The following FCRL5 variants were observed in gnomAD, a reference collection of about 807,000 sequenced individuals.
FCRL5 encodes the protein Fc receptor-like protein 5.
A neutral mutation model predicts 92.1 loss-of-function variants in FCRL5; 79 were observed. That is an observed-to-expected ratio of 0.86 (90% confidence interval 0.72 to 1.03). The LOEUF is 1.03. Ranked by LOEUF, FCRL5 falls within the 50% of genes least tolerant of loss-of-function variation. FCRL5 has a pLI of 0.00. For synonymous variants in FCRL5, 466 were observed against 469.3 expected (o/e 0.99, Z 0.09); for missense variants, 1,160 against 1,181.1 (o/e 0.98, Z 0.26).
rs778591421 is a variant in FCRL5, at chr1:157,527,802, C to G, written c.1775G>C (p.Gly592Ala). 2 of 1,613,636 alleles carry G rather than the reference C, an allele frequency of 1.2e-6. No homozygotes were observed. The highest frequency in any genetic ancestry group is 3.3e-5 in the Admixed American group (2 of 60,004). ...LLELHCEAPR[G>A]SPPILYWFYH... ...AAACCAGTACAGGATTGGGGGAGAG[C>G]CTCTCGGGGCCTCACAGTGAAGCTC... is the stretch of plus-strand genomic sequence containing the variant. Residue 592 changes from glycine (G) to alanine (A), a missense_variant, in exon 9 of 17, where the codon GGC becomes GCC. Transcript: ENST00000361835.
chr1:157,520,532 C>A lies in FCRL5; in HGVS notation c.2531G>T (p.Arg844Ile). 1 of 1,583,376 alleles carries A rather than the reference C, an allele frequency of 6.3e-7. No individual in the cohort carries two copies. The highest frequency in any genetic ancestry group is 8.6e-7 in the Non-Finnish European group (1 of 1,164,892). The change falls in exon 12 of 17, where the codon AGA becomes ATA. Residue 844 changes from arginine (R) to isoleucine (I), a missense_variant. Coordinates refer to ENST00000361835, the MANE Select transcript of FCRL5 (RefSeq NM_031281.3). ...GACTCCTGTGGCAAAAGGGCCACTT[C>A]TGTTCGCGGTCAGCCCTGAGGGGGA... ...TLYITGLTAN[R>I]SGPFATGVAG...
At chr1:157,534,934 T>C (rs1184252551) in intron 7 of FCRL5, 42 bp from the exon 8 acceptor site, 1 of 1,508,020 alleles carries the variant, frequency 6.6e-7, no homozygotes, top group Non-Finnish European at 8.9e-7. Context: ...CTTTTGCCTC[T>C]TACTGTAGAT....
chr1:157,548,144 T>C (rs1415434137), intron 2 of FCRL5, among the ~76,000 whole-genome samples: 2 of 152,218 alleles, frequency 1.3e-5, no homozygotes, highest in African/African-American at 2.4e-5. Context: ...GCAATAATAG[T>C]AAATGCAGGG....
In FCRL5 at chr1:157,526,415, T is replaced by G. The variant is rs371918292; in HGVS notation, c.1960+1202A>C. Among the ~76,000 whole-genome samples, 5 of 152,156 alleles carry G rather than the reference T, an allele frequency of 3.3e-5. No individual in the cohort carries two copies. The East Asian group carries it at 9.6e-4, about 29-fold the overall frequency. ...CTGACTGTTTTTGGAAGTTTAGCCA[T>G]GAAGGGGTAGTGTATGGAGGTATAA... On this transcript the variant is annotated intron_variant, in intron 9 of 16. Transcript: ENST00000361835.
chr1:157,550,213 G>C (rs543532425), intron 1 of FCRL5, among the ~76,000 whole-genome samples: 1 of 152,076 alleles, frequency 6.6e-6, no homozygotes, highest in Non-Finnish European at 1.5e-5. Flanking sequence ...CTGAGTAAGT[G>C]GTTCTAATTT....
intron 5 of FCRL5, 127 bp from the exon 6 acceptor site, chr1:157,543,264 C>T: frequency 2.4e-6 from 2 of 842,806 alleles, no homozygotes; most frequent in Non-Finnish European, 3.6e-6. Context: ...ACCACACACC[C>T]TTACCTGCAC....
rs537263560 is a variant in FCRL5 at position 157,548,985 on chromosome 1, C to T, written c.52+575G>A. ...ATGCTGCTATAAAGGCACATGCACA[C>T]GTATGTTTACTGCGGCACTATTCAC... On this transcript the variant is annotated intron_variant, in intron 2 of 16. Transcript: ENST00000361835. Among the ~76,000 whole-genome samples the T allele has an allele frequency of 4.6e-5, 7 of 152,156 alleles. No homozygotes were observed. In the East Asian group the frequency reaches 7.7e-4, roughly 17 times the overall value.
intron 7 of FCRL5, among the ~76,000 whole-genome samples, chr1:157,535,125 T>C (rs1360218080): frequency 6.6e-6 from 1 of 152,186 alleles, no homozygotes; most frequent in Non-Finnish European, 1.5e-5. Flanking sequence ...GCTCCTCTTG[T>C]AGTGTGACCT....
In FCRL5 at chr1:157,514,310, G is replaced by A. The variant is rs1473516513; in HGVS notation, c.*1365C>T. On this transcript the variant is annotated 3_prime_UTR_variant, in exon 17 of 17. Coordinates refer to ENST00000361835, the MANE Select transcript of FCRL5 (RefSeq NM_031281.3). The stretch of plus-strand genomic sequence containing the variant: ...TGGGAGAACAACTCTGAATGGAGAG[G>A]GCTCAGGTTATATACATTCACCCTT... The A allele has an allele frequency of 6.6e-6, 1 of 152,218 alleles. No individual in the cohort carries two copies. The highest frequency in any genetic ancestry group is 1.5e-5 in the Non-Finnish European group (1 of 68,036). The allele number at this position is 152,218 out of a possible 1,614,324, so 9.4% of individuals were successfully genotyped here. A position where few individuals can be genotyped will look rare whatever the true frequency, so the allele number is the denominator to read the frequency against.
chr1:157,542,729 T>C (rs780933906), intron 6 of FCRL5, 130 bp downstream of exon 6: 4 of 1,103,404 alleles, frequency 3.6e-6, no homozygotes, highest in Non-Finnish European at 5.2e-6. Flanking sequence ...AGCCGGAGAG[T>C]GGAGGAGGAC....
rs571376086 is a variant in FCRL5, at chr1:157,519,748, G to C, written c.2655C>G (p.Pro885=). The change falls in exon 13 of 17, where the codon CCC becomes CCG. Residue 885 remains proline (P), a synonymous_variant. Coordinates refer to ENST00000361835, the MANE Select transcript of FCRL5 (RefSeq NM_031281.3). ...RKAGRKPASD[P]ARSPSDSDSQ... ...GAATGCAGCTCAGCTCTTACCTGGC[G>C]GGGTCAGAGGCAGGCTTTCTCCCTG... is the stretch of plus-strand genomic sequence containing the variant. The C allele has an allele frequency of 1.2e-6, 2 of 1,613,832 alleles. No homozygotes were observed. Among genetic ancestry groups the C allele is most frequent in the Non-Finnish European group, 8.5e-7 (1 of 1,179,932 alleles).
At chr1:157,542,742 T>C in intron 6 of FCRL5, 117 bp downstream of exon 6, 3 of 1,258,736 alleles carry the variant, frequency 2.4e-6, no homozygotes, top group Non-Finnish European at 3.3e-6. Context: ...AGGAGGACAT[T>C]AGGTTTTCCC....
rs550488980 is a variant in FCRL5 at position 157,534,830 on chromosome 1, T to A, written c.1465A>T (p.Thr489Ser). 11 of 1,594,834 alleles carry A rather than the reference T, an allele frequency of 6.9e-6. No homozygotes were observed. In the Admixed American group the frequency reaches 1.4e-4, roughly 20 times the overall value. ...TGGACTTCACAGTGAAGTGTCACAGTGGCTCCTTCAAAAGTCAGGGCCTCA... is the reference window on the plus strand; with the variant it reads ...TGGACTTCACAGTGAAGTGTCACAGAGGCTCCTTCAAAAGTCAGGGCCTCA... ...SAEALTFEGATVTLHCEVQRG... is the reference protein window; with the variant it reads ...SAEALTFEGASVTLHCEVQRG... The change falls in exon 8 of 17, where the codon ACT becomes TCT. Residue 489 changes from threonine (T) to serine (S), a missense_variant. Transcript: ENST00000361835.
At position 157,514,424 on chromosome 1, in the gene FCRL5, T is replaced by A. The variant is rs1056315277; in HGVS notation, c.*1251A>T. ...CCAGGGTGGCTGATGAAAGCCAACA[T>A]GTCACAGAGAAGAAGCTCTCTCAGC... is the stretch of plus-strand genomic sequence containing the variant. On this transcript the variant is annotated 3_prime_UTR_variant, in exon 17 of 17. Transcript: ENST00000361835. 5 of 152,218 alleles carry A rather than the reference T, an allele frequency of 3.3e-5. No individual in the cohort carries two copies. The highest frequency in any genetic ancestry group is 1.2e-4 in the African/African-American group (5 of 41,456). 9.4% of individuals were successfully genotyped at this position (152,218 alleles called of 1,614,324 possible).
At chr1:157,517,369 C>G (rs754299324) in intron 15 of FCRL5, among the ~76,000 whole-genome samples, 2 of 152,174 alleles carry the variant, frequency 1.3e-5, no homozygotes, top group Admixed American at 1.3e-4. Context: ...TTGCTGCAAC[C>G]TGTGACTATA....
chr1:157,520,834 G>T lies in FCRL5; in HGVS notation c.2515+183C>A, dbSNP rs534020768. Among the ~76,000 whole-genome samples the T allele has an allele frequency of 2.0e-5, 3 of 152,350 alleles. No individual in the cohort carries two copies. The East Asian group carries it at 5.8e-4, about 29-fold the overall frequency. On this transcript the variant is annotated intron_variant, in intron 11 of 16. Coordinates refer to ENST00000361835, the MANE Select transcript of FCRL5 (RefSeq NM_031281.3). ...GCTCTTGCGCCCAGCCCGCCAACCC[G>T]CGCTCTCAGCCCCAACGCCATCACT...
Position 157,515,868 on chromosome 1 carries a change from AG to A in FCRL5, c.2817del (p.Ser940LeufsTer63). ...IIQEKKKHAV[A>X]SDPRHLRNKG... ...TTGTTCCTGAGATGCCTGGGGTCAG[AG>A]GCCACTGTGGAAAGAGGAAAGTGTT... On this transcript the variant is annotated frameshift_variant, in exon 16 of 17. Coordinates refer to ENST00000361835, the MANE Select transcript of FCRL5 (RefSeq NM_031281.3). LOFTEE classifies it low-confidence loss of function (END_TRUNC). The A allele has an allele frequency of 6.2e-7, 1 of 1,613,898 alleles. No individual in the cohort carries two copies. The highest frequency in any genetic ancestry group is 8.5e-7 in the Non-Finnish European group (1 of 1,180,000).
At chr1:157,543,562 G>A (rs1004920279) in intron 5 of FCRL5, among the ~76,000 whole-genome samples, 18 of 152,114 alleles carry the variant, frequency 1.2e-4, no homozygotes, top group African/African-American at 4.3e-4. Flanking sequence ...CTGTTTTCAG[G>A]GCCAGCCAGG....
intron 6 of FCRL5, among the ~76,000 whole-genome samples, chr1:157,540,526 A>T (rs552879376): frequency 0.027 from 3,557 of 130,856 alleles, 114 homozygotes; most frequent in African/African-American, 0.11. Context: ...CTCCATGTTT[A>T]AAAAAAAAAA....
Sources: gnomAD v4.1 joint callset for allele counts (sites outside exome capture counted in the v4.1 genomes callset) on GRCh38, gnomAD v4.1.1 for gene constraint, MANE v1.5 for transcripts, NCBI Gene and HGNC (gene_info 2026-07-23, HGNC 2026-07-21) for gene names.